The following WDPCP variants were observed in gnomAD, a reference collection of about 807,000 sequenced individuals.
WDPCP encodes WD repeat-containing and planar cell polarity effector protein fritz homolog.
In WDPCP, 71 loss-of-function variants were observed where a neutral mutation model predicts 93.1. That is an observed-to-expected ratio of 0.76 (90% CI 0.63 to 0.93). The LOEUF (loss-of-function observed/expected upper bound fraction) is 0.93, where lower values mean the gene tolerates loss of function less well. Ranked by LOEUF, WDPCP falls within the 40% of genes least tolerant of loss-of-function variation. The pLI is 0.00. For missense variants in WDPCP, 844 were observed against 887.4 expected, an observed-to-expected ratio of 0.95 and a Z score of 0.62; for synonymous variants, 315 against 315.0, an observed-to-expected ratio of 1.00 and a Z score of 0.00.
At chr2:63,221,056 T>A (rs1559217183) in intron 14 of WDPCP, among the ~76,000 whole-genome samples, 2 of 152,244 alleles carry the variant, frequency 1.3e-5, no homozygotes, top group South Asian at 4.1e-4. Flanking sequence ...GGCTGTATAG[T>A]ATTCCATGTT....
chr2:63,224,417 T>C (rs1022681614), intron 14 of WDPCP, among the ~76,000 whole-genome samples: 2 of 152,036 alleles, frequency 1.3e-5, no homozygotes, highest in African/African-American at 2.4e-5. Context: ...TGAAAACTTA[T>C]GTCCACACAA....
intron 12 of WDPCP, among the ~76,000 whole-genome samples, chr2:63,377,462 CACAG>C (rs1433023484): frequency 6.6e-6 from 1 of 151,006 alleles, no homozygotes; most frequent in Non-Finnish European, 1.5e-5. Flanking sequence ...TGCAAACATA[CACAG>C]ACATACATAT....
chr2:63,511,829 T>G (rs758654752), intron 1 of WDPCP, among the ~76,000 whole-genome samples: 5 of 152,228 alleles, frequency 3.3e-5, no homozygotes, highest in Non-Finnish European at 5.9e-5. Context: ...ATTCAGGACA[T>G]AGGCATGGGC....
In WDPCP at chr2:63,259,303, T is replaced by C. The variant is rs996995603; in HGVS notation, c.1915+4A>G. On this transcript the variant is annotated splice_donor_region_variant and intron_variant, in intron 14 of 17. Coordinates refer to ENST00000272321, the MANE Select transcript of WDPCP (RefSeq NM_015910.7). Reference sequence around the variant, plus strand: ...AAGCACTTAAAAATAGCGTTAATTCTTACCAACCCCAGAGGTTATTGATTC... The same window carrying C: ...AAGCACTTAAAAATAGCGTTAATTCCTACCAACCCCAGAGGTTATTGATTC... 3 of 1,611,640 alleles carry C rather than the reference T, an allele frequency of 1.9e-6. No individual in the cohort carries two copies. The African/African-American group carries it at 4.0e-5, about 22-fold the overall frequency.
intron 2 of WDPCP, among the ~76,000 whole-genome samples, chr2:63,492,458 A>C (rs1700945739): frequency 6.6e-6 from 1 of 151,944 alleles, no homozygotes; most frequent in Non-Finnish European, 1.5e-5. Flanking sequence ...ATCCCAGAAA[A>C]AAAATTGAAT....
intron 3 of WDPCP, among the ~76,000 whole-genome samples, chr2:63,612,739 C>T (rs1439723164): frequency 6.6e-6 from 1 of 152,114 alleles, no homozygotes; most frequent in African/African-American, 2.4e-5. Context: ...TTTTCAGTTA[C>T]TCATCACTGA....
At chr2:63,305,283 C>T (rs758119340) in intron 13 of WDPCP, among the ~76,000 whole-genome samples, 6 of 152,134 alleles carry the variant, frequency 3.9e-5, no homozygotes, top group South Asian at 2.1e-4. Flanking sequence ...CCCTGACCCC[C>T]GTGACTCCTG....
chr2:63,697,680 C>G (rs1482668267), intron 2 of WDPCP, among the ~76,000 whole-genome samples: 1 of 152,200 alleles, frequency 6.6e-6, no homozygotes, highest in African/African-American at 2.4e-5. Context: ...CAGAGTCTCA[C>G]TCTGTCACCC....
chr2:63,526,742 A>C (rs1186827790), intron 1 of WDPCP, among the ~76,000 whole-genome samples: 1 of 152,146 alleles, frequency 6.6e-6, no homozygotes, highest in Non-Finnish European at 1.5e-5. Flanking sequence ...TTTCTTCCTA[A>C]AAGTCTTCTC....
chr2:63,652,481 G>A (rs375606418), intron 2 of WDPCP, among the ~76,000 whole-genome samples: 2 of 152,200 alleles, frequency 1.3e-5, no homozygotes, highest in African/African-American at 2.4e-5. Context: ...AATCAGGACT[G>A]TCACTGGGTC....
intron 2 of WDPCP, among the ~76,000 whole-genome samples, chr2:63,721,742 CCA>C (rs1254652372): frequency 1.4e-5 from 2 of 140,984 alleles, no homozygotes; most frequent in African/African-American, 5.3e-5. Context: ...CTCCCTCTCC[CCA>C]CGGTCTCCCT....
intron 12 of WDPCP, among the ~76,000 whole-genome samples, chr2:63,363,908 T>TC (rs1349931035): frequency 6.6e-6 from 1 of 152,132 alleles, no homozygotes; most frequent in African/African-American, 2.4e-5. Flanking sequence ...AGGCACAGTG[T>TC]CCTGTGCCTT....
In WDPCP at chr2:63,437,529, G is replaced by C; in HGVS notation, c.525C>G (p.Ile175Met). Reference sequence around the variant, plus strand: ...GTTTGTTTTGTGCCAAAAATGATAAGATGATAAAACTGTCTGTGAGAAGAG... The same window carrying C: ...GTTTGTTTTGTGCCAAAAATGATAACATGATAAAACTGTCTGTGAGAAGAG... ...SDALLTDSFI[I>M]LSFLAQNKLC... The change falls in exon 8 of 18, where the codon ATC (isoleucine) becomes ATG (methionine). Residue 175 changes from isoleucine (I) to methionine (M), a missense_variant. By Grantham distance (10) the Ile-to-Met change is conservative. Coordinates refer to ENST00000272321, the MANE Select transcript of WDPCP (RefSeq NM_015910.7). The C allele has an allele frequency of 6.3e-7, 1 of 1,594,198 alleles. No homozygotes were observed. Among genetic ancestry groups the C allele is most frequent in the East Asian group, 2.2e-5 (1 of 44,472 alleles).
chr2:63,170,530 A>C (rs1286776477), intron 15 of WDPCP, among the ~76,000 whole-genome samples: 1 of 152,000 alleles, frequency 6.6e-6, no homozygotes, highest in African/African-American at 2.4e-5. Context: ...CAGCCTCCCA[A>C]AGTGCTGGTA....
At chr2:63,369,358 T>G (rs1043342821) in intron 12 of WDPCP, 1 of 455,594 alleles carries the variant, frequency 2.2e-6, no homozygotes, top group African/African-American at 2.0e-5. Flanking sequence ...GGGGACAGTC[T>G]GGAGTTTGAG....
chr2:63,642,915 C>T (rs1709997878), intron 3 of WDPCP: 1 of 152,194 alleles, frequency 6.6e-6, no homozygotes, highest in Non-Finnish European at 1.5e-5. Flanking sequence ...AGAGAAAAGG[C>T]TTTCAGTTTT....
At chr2:63,149,014 G>A (rs1671718646) in intron 17 of WDPCP, among the ~76,000 whole-genome samples, 1 of 152,014 alleles carries the variant, frequency 6.6e-6, no homozygotes, top group Admixed American at 6.6e-5. Flanking sequence ...ATACCATAAA[G>A]GTATAATGGT....
intron 17 of WDPCP, among the ~76,000 whole-genome samples, chr2:63,130,333 A>G (rs1217959538): frequency 6.6e-6 from 1 of 152,130 alleles, no homozygotes; most frequent in African/African-American, 2.4e-5. Context: ...GCATATGGAC[A>G]TCCTGTTTTC....
chr2:63,315,200 A>G (rs1292756556), intron 12 of WDPCP, among the ~76,000 whole-genome samples: 1 of 152,220 alleles, frequency 6.6e-6, no homozygotes, highest in Admixed American at 6.5e-5. Context: ...CACTCAGCAG[A>G]CAACAAATAA....
Sources: allele counts gnomAD v4.1 joint callset (sites outside exome capture counted in the v4.1 genomes callset), GRCh38; gene constraint gnomAD v4.1.1; transcripts MANE v1.5; gene names NCBI Gene and HGNC (gene_info 2026-07-23, HGNC 2026-07-21).